Variants in SUGCT observed in about 807,000 individuals in gnomAD.
SUGCT encodes succinyl-CoA:glutarate CoA-transferase.
SUGCT carries 41 observed loss-of-function variants against 55.0 expected under a neutral mutation model. The ratio of observed to expected loss-of-function variants is 0.74; its 90% CI spans 0.58 to 0.97. The LOEUF (loss-of-function observed/expected upper bound fraction) is 0.97, where lower values mean the gene tolerates loss of function less well. SUGCT is among the 50% of genes least tolerant of loss of function. The pLI, the probability that SUGCT is intolerant of heterozygous loss-of-function variation, is 0.00. For missense variants in SUGCT, 568 were observed against 547.8 expected (o/e 1.04, Z -0.37); for synonymous variants, 187 against 200.4 (o/e 0.93, Z 0.56).
At chr7:40,520,106 A>T (rs1400968891) in intron 12 of SUGCT, among the ~76,000 whole-genome samples, 13 of 152,114 alleles carry the variant, frequency 8.5e-5, no homozygotes. Context: ...CTTATTACAG[A>T]CAGAAAGAAA....
intron 6 of SUGCT, among the ~76,000 whole-genome samples, chr7:40,206,358 G>A (rs1329356323): frequency 6.6e-6 from 1 of 152,102 alleles, no homozygotes; most frequent in African/African-American, 2.4e-5. Context: ...GCTAGCATTA[G>A]TGCAATACCA....
At chr7:40,584,397 A>G (rs1797262835) in intron 12 of SUGCT, among the ~76,000 whole-genome samples, 3 of 152,208 alleles carry the variant, frequency 2.0e-5, no homozygotes, top group Admixed American at 2.0e-4. Context: ...AAAAGCAGAA[A>G]ACAGATACTC....
At chr7:41,029,489 A>G in the SUGCT span, among the ~76,000 whole-genome samples, 1 of 151,980 alleles carries the variant, frequency 6.6e-6, no homozygotes, top group Non-Finnish European at 1.5e-5. Context: ...AGCCTCCTAC[A>G]CCCTGTAAAG....
intron 6 of SUGCT, among the ~76,000 whole-genome samples, chr7:40,230,323 C>A (rs1245504978): frequency 6.6e-6 from 1 of 152,020 alleles, no homozygotes; most frequent in Admixed American, 6.6e-5. Context: ...CACGTGGTGG[C>A]CAGAGATAAG....
chr7:40,446,805 C>T (rs750884168), intron 9 of SUGCT, among the ~76,000 whole-genome samples: 46 of 152,142 alleles, frequency 3.0e-4, no homozygotes, highest in Non-Finnish European at 5.1e-4. Flanking sequence ...TCTACCAGCA[C>T]TGTATAAAAT....
the SUGCT span, among the ~76,000 whole-genome samples, chr7:40,957,863 G>C: frequency 6.6e-6 from 1 of 152,090 alleles, no homozygotes; most frequent in Non-Finnish European, 1.5e-5. Flanking sequence ...GCCTGGTGGT[G>C]ACAAAATCCC....
the SUGCT span, among the ~76,000 whole-genome samples, chr7:41,019,589 T>C: frequency 2.6e-5 from 4 of 152,256 alleles, no homozygotes; most frequent in African/African-American, 9.6e-5. Flanking sequence ...ATTTGTATAC[T>C]TTGGATAAAT....
chr7:40,680,948 G>A (rs1346011459), intron 12 of SUGCT, among the ~76,000 whole-genome samples: 1 of 152,122 alleles, frequency 6.6e-6, no homozygotes, highest in Non-Finnish European at 1.5e-5. Flanking sequence ...AATTGTAAGT[G>A]CGAGCATGTT....
chr7:40,912,771 CAA>C, the SUGCT span, among the ~76,000 whole-genome samples: 7,996 of 111,898 alleles, frequency 0.071, 711 homozygotes, highest in African/African-American at 0.22. Context: ...TAAACGTTTC[CAA>C]AAAAAAAAAA....
intron 10 of SUGCT, among the ~76,000 whole-genome samples, chr7:40,458,528 T>C (rs140383135): frequency 6.6e-6 from 1 of 152,232 alleles, no homozygotes; most frequent in Admixed American, 6.5e-5. Flanking sequence ...TTGCTATTGT[T>C]TAAATGGTGA....
At chr7:40,541,560 A>C (rs1046882052) in intron 12 of SUGCT, among the ~76,000 whole-genome samples, 2 of 152,218 alleles carry the variant, frequency 1.3e-5, no homozygotes, top group Admixed American at 6.5e-5. Flanking sequence ...ACTTGGAAGG[A>C]TTGTAAAAAC....
At chr7:40,991,777 A>G in the SUGCT span, among the ~76,000 whole-genome samples, 1 of 152,150 alleles carries the variant, frequency 6.6e-6, no homozygotes, top group Non-Finnish European at 1.5e-5. Flanking sequence ...AATGGGCATG[A>G]AACAACTTGG....
At chr7:40,317,322 G>A (rs563251613) in intron 9 of SUGCT, among the ~76,000 whole-genome samples, 22 of 152,238 alleles carry the variant, frequency 1.4e-4, no homozygotes, top group Admixed American at 4.6e-4. Flanking sequence ...TGGCTCAGGA[G>A]CTGCTGTTCT....
intron 13 of SUGCT, among the ~76,000 whole-genome samples, chr7:40,820,976 G>T (rs538456185): frequency 6.6e-6 from 1 of 152,126 alleles, no homozygotes; most frequent in African/African-American, 2.4e-5. Context: ...AGCATGAAGG[G>T]CTGTTGATTT....
At chr7:40,931,615 A>G in the SUGCT span, among the ~76,000 whole-genome samples, 1 of 152,208 alleles carries the variant, frequency 6.6e-6, no homozygotes, top group African/African-American at 2.4e-5. Context: ...TTATTGGTCT[A>G]TTCAGAGATT....
chr7:40,480,101 A>G (rs1375846961), intron 11 of SUGCT, among the ~76,000 whole-genome samples: 3 of 152,036 alleles, frequency 2.0e-5, no homozygotes, highest in Non-Finnish European at 2.9e-5. Context: ...TCTCAGGCCA[A>G]TATTAGGAAA....
At chr7:40,537,819 A>G (rs1036148612) in intron 12 of SUGCT, among the ~76,000 whole-genome samples, 1 of 152,234 alleles carries the variant, frequency 6.6e-6, no homozygotes, top group African/African-American at 2.4e-5. Context: ...AAACATGGTC[A>G]CATGAGGCTA....
chr7:40,630,813 A>G (rs1799755767), intron 12 of SUGCT, among the ~76,000 whole-genome samples: 1 of 133,352 alleles, frequency 7.5e-6, no homozygotes. Flanking sequence ...GAGCTAACAC[A>G]GTGGGGATTT....
the SUGCT span, among the ~76,000 whole-genome samples, chr7:40,920,605 G>A: frequency 6.6e-6 from 1 of 152,124 alleles, no homozygotes; most frequent in East Asian, 1.9e-4. Flanking sequence ...ATTGTTGTTT[G>A]TCAGTTGGTT....
Sources: allele counts gnomAD v4.1 joint callset (sites outside exome capture counted in the v4.1 genomes callset), GRCh38; gene constraint gnomAD v4.1.1; transcripts MANE v1.5; gene names NCBI Gene and HGNC (gene_info 2026-07-23, HGNC 2026-07-21).